The following ANKRD1 variants were observed in gnomAD, a reference collection of about 807,000 sequenced individuals.
ANKRD1 encodes ankyrin repeat domain 1, also known as ankyrin repeat domain-containing protein 1.
Under a neutral mutation model 40.1 loss-of-function variants are expected in ANKRD1, and 32 were observed. That is an observed-to-expected ratio of 0.80 (90% CI 0.60 to 1.07). The LOEUF (loss-of-function observed/expected upper bound fraction) is 1.07. Among genes scored for constraint, ANKRD1 ranks in the 50% least tolerant of loss-of-function variants. The pLI is 0.00. For missense variants in ANKRD1, 359 were observed against 386.0 expected, an observed-to-expected ratio of 0.93 and a Z score of 0.59; for synonymous variants, 149 against 141.2, an observed-to-expected ratio of 1.06 and a Z score of -0.39.
rs148979787 is a variant in ANKRD1, at chr10:90,918,949, C to T, written c.369G>A (p.Thr123=). The change falls in exon 4 of 9, where the codon ACG becomes ACA. Residue 123 remains threonine (T), a synonymous_variant. Transcript: ENST00000371697. The part of the protein sequence containing the change: ...EIITEPVDVP[T]FLKAALENKL... ...TATTCTCCAGAGCAGCCTTCAGAAACGTAGGCACATCCACAGGTTCCGTCT... is the reference window on the plus strand; with the variant it reads ...TATTCTCCAGAGCAGCCTTCAGAAATGTAGGCACATCCACAGGTTCCGTCT... 2.8e-4 allele frequency: 443 copies of T among 1,607,038 alleles called. 2 individuals are homozygous for T. In the Middle Eastern group the frequency reaches 3.3e-3, roughly 12 times the overall value.
chr10:90,912,792 C>T lies in ANKRD1; in HGVS notation c.*74G>A. 2 of 1,326,462 alleles carry T rather than the reference C, an allele frequency of 1.5e-6. No homozygotes were observed. The highest frequency in any genetic ancestry group is 2.2e-6 in the Non-Finnish European group (2 of 918,754). 82.2% of individuals were successfully genotyped at this position (1,326,462 alleles called of 1,614,324 possible). A position where few individuals can be genotyped will look rare whatever the true frequency, so the allele number is the denominator to read the frequency against. ...GATAAATAGAAACTAGATTTTATGG[C>T]TAGTGTCTCTTCTCTTGGGCCATGC... On this transcript the variant is annotated 3_prime_UTR_variant, in exon 9 of 9. Coordinates refer to ENST00000371697, the MANE Select transcript of ANKRD1 (RefSeq NM_014391.3).
intron 6 of ANKRD1, 21 bp downstream of exon 6, chr10:90,916,150 G>A: frequency 6.3e-7 from 1 of 1,584,792 alleles, no homozygotes; most frequent in Non-Finnish European, 8.7e-7. Flanking sequence ...TGAATGAAGG[G>A]AGAAGGAGAA....
At chr10:90,920,102 C>A in intron 2 of ANKRD1, 67 bp downstream of exon 2, 1 of 1,598,826 alleles carries the variant, frequency 6.3e-7, no homozygotes, top group Non-Finnish European at 8.6e-7. Context: ...TCTTCTCCTT[C>A]CCTGACATTT....
intron 1 of ANKRD1, 114 bp from the exon 2 acceptor site, chr10:90,920,462 G>C (rs888662042): frequency 2.7e-6 from 3 of 1,115,406 alleles, no homozygotes; most frequent in Non-Finnish European, 4.1e-6. Context: ...AGCCACCTTT[G>C]AGCAGTGCAC....
chr10:90,914,729 C>CG lies in ANKRD1; in HGVS notation c.849+813_849+814insC, dbSNP rs1047506083. 1.4e-4 allele frequency among the ~76,000 whole-genome samples: 18 copies of CG among 130,782 alleles called. 1 individual carries two copies. The highest frequency in any genetic ancestry group is 1.6e-4 in the Non-Finnish European group (10 of 62,612). 85.8% of individuals were successfully genotyped at this position (130,782 alleles called of 152,430 possible). A position where few individuals can be genotyped will look rare whatever the true frequency, so the allele number is the denominator to read the frequency against. On this transcript the variant is annotated intron_variant, in intron 8 of 8. Coordinates refer to ENST00000371697, the MANE Select transcript of ANKRD1 (RefSeq NM_014391.3). ...GATGACTGAGTTTCCCTCCCCCCCC[C>CG]CCCACTCTTTTTTGTAAAGTGATTC...
At chr10:90,914,318 T>C (rs1334513004) in intron 8 of ANKRD1, among the ~76,000 whole-genome samples, 1 of 152,186 alleles carries the variant, frequency 6.6e-6, no homozygotes, top group African/African-American at 2.4e-5. Context: ...TATTTTGGGC[T>C]ACTCTTCCAT....
intron 2 of ANKRD1, 24 bp from the exon 3 acceptor site, chr10:90,919,292 A>G (rs545469240): frequency 6.3e-7 from 1 of 1,589,346 alleles, no homozygotes; most frequent in Non-Finnish European, 8.5e-7. Flanking sequence ...TCGTATTTCA[A>G]AAATATGGTG....
At position 90,921,057 on chromosome 10, in the gene ANKRD1, T is replaced by C; in HGVS notation, c.-30A>G. On this transcript the variant is annotated 5_prime_UTR_variant, in exon 1 of 9. Transcript: ENST00000371697. ...GCTGAAGGAGTCTTGTATGTTTTTC[T>C]GTCGTGGAAGGAATCCCTGGAGTTG... 6.2e-7 allele frequency: 1 copy of C among 1,613,572 alleles called. No individual in the cohort carries two copies. Among genetic ancestry groups the C allele is most frequent in the Non-Finnish European group, 8.5e-7 (1 of 1,179,556 alleles).
intron 8 of ANKRD1, 98 bp downstream of exon 8, chr10:90,915,445 C>T: frequency 2.7e-6 from 3 of 1,094,306 alleles, no homozygotes; most frequent in Non-Finnish European, 4.1e-6. Flanking sequence ...TCGAAGACCC[C>T]TCAAATACTG....
chr10:90,916,208 A>G lies in ANKRD1; in HGVS notation c.614T>C (p.Leu205Ser). 6.2e-7 allele frequency: 1 copy of G among 1,614,072 alleles called. No individual in the cohort carries two copies. The highest frequency in any genetic ancestry group is 8.5e-7 in the Non-Finnish European group (1 of 1,179,988). The change falls in exon 6 of 9, where the codon TTG becomes TCG. Residue 205 changes from leucine (L) to serine (S), a missense_variant. Leu to Ser is a moderately radical substitution (Grantham distance 145, BLOSUM62 -2). Coordinates refer to ENST00000371697, the MANE Select transcript of ANKRD1 (RefSeq NM_014391.3). Reference protein sequence around the residue: ...RGGNLDVLKLLLNKGAKISAR... With the variant: ...RGGNLDVLKLSLNKGAKISAR... ...GCTAATTTTTGCTCCTTTATTCAGC[A>G]ACAATTTTAAAACATCCAGGTTTCC...
intron 8 of ANKRD1, among the ~76,000 whole-genome samples, chr10:90,914,880 T>C (rs1288532580): frequency 6.6e-6 from 1 of 152,182 alleles, no homozygotes; most frequent in African/African-American, 2.4e-5. Context: ...TTGGTTATGT[T>C]CCCTGCTTAC....
At chr10:90,917,666 A>G (rs1409697910) in intron 5 of ANKRD1, 66 bp downstream of exon 5, 7 of 1,388,702 alleles carry the variant, frequency 5.0e-6, no homozygotes, top group Non-Finnish European at 5.1e-6. Context: ...TTTGCATTGG[A>G]GGTTTTCCGG....
chr10:90,916,799 C>CA (rs1049260363), intron 5 of ANKRD1, among the ~76,000 whole-genome samples: 11 of 152,140 alleles, frequency 7.2e-5, no homozygotes, highest in African/African-American at 2.7e-4. Context: ...TAGTCCCTTC[C>CA]AAAATATTTT....
At chr10:90,917,211 C>T (rs1564574125) in intron 5 of ANKRD1, among the ~76,000 whole-genome samples, 1 of 152,196 alleles carries the variant, frequency 6.6e-6, no homozygotes, top group Non-Finnish European at 1.5e-5. Context: ...ATAAATTATG[C>T]TGCATACTGG....
intron 4 of ANKRD1, among the ~76,000 whole-genome samples, chr10:90,918,375 C>G (rs1465121797): frequency 6.6e-6 from 1 of 152,068 alleles, no homozygotes; most frequent in Non-Finnish European, 1.5e-5. Context: ...CAACTTTAGG[C>G]GTTATTTCAC....
intron 4 of ANKRD1, among the ~76,000 whole-genome samples, chr10:90,918,302 A>G (rs10881853): frequency 0.79 from 120,529 of 152,112 alleles, 47,807 homozygotes; most frequent in African/African-American, 0.85. Flanking sequence ...GAATACAAAA[A>G]GATTAGTGAT....
chr10:90,915,659 A>G lies in ANKRD1; in HGVS notation c.751-18T>C. 6.2e-7 allele frequency: 1 copy of G among 1,612,746 alleles called. No homozygotes were observed. Among genetic ancestry groups the G allele is most frequent in the South Asian group, 1.1e-5 (1 of 91,068 alleles). On this transcript the variant is annotated intron_variant, in intron 7 of 8. Coordinates refer to ENST00000371697, the MANE Select transcript of ANKRD1 (RefSeq NM_014391.3). ...TCTCCTTCCTAGAGAAGCAGAGTCAACAGGTTCAAGGTGGGTCTGAGGCCA... is the reference window on the plus strand; with the variant it reads ...TCTCCTTCCTAGAGAAGCAGAGTCAGCAGGTTCAAGGTGGGTCTGAGGCCA...
intron 1 of ANKRD1, 136 bp from the exon 2 acceptor site, chr10:90,920,484 A>C: frequency 2.5e-5 from 22 of 880,844 alleles, no homozygotes; most frequent in Non-Finnish European, 3.9e-5. Context: ...CTCAGATCTC[A>C]AGCTGCGATG....
In ANKRD1 at chr10:90,918,060, C is replaced by T. The variant is rs78645242; in HGVS notation, c.454-230G>A. Among the ~76,000 whole-genome samples, 1,863 of 152,306 alleles carry T rather than the reference C, an allele frequency of 0.012. 43 individuals are homozygous for T. The highest frequency in any genetic ancestry group is 0.041 in the African/African-American group (1,720 of 41,560). ...ACATTTCCAAGGGCTCAAAGGCCTA[C>T]GTTGAGGAGTGTGAACTTAAAGGCT... On this transcript the variant is annotated intron_variant, in intron 4 of 8. Transcript: ENST00000371697.
Sources: allele counts gnomAD v4.1 joint callset (sites outside exome capture counted in the v4.1 genomes callset), GRCh38; gene constraint gnomAD v4.1.1; transcripts MANE v1.5; gene names NCBI Gene and HGNC (gene_info 2026-07-23, HGNC 2026-07-21).